The following ALK variants were observed in gnomAD, a reference collection of about 807,000 sequenced individuals.
ALK encodes the protein ALK receptor tyrosine kinase.
In ALK, 74 loss-of-function variants were observed where a neutral mutation model predicts 163.1. The observed-to-expected ratio is 0.45, with a 90% CI of 0.38 to 0.55. The LOEUF (loss-of-function observed/expected upper bound fraction) is 0.55. Ranked by LOEUF, ALK falls within the 20% of genes least tolerant of loss-of-function variation. The probability of loss-of-function intolerance (pLI) is 0.00; values close to 1 mark genes in which losing one functional copy is unlikely to be tolerated. For missense variants in ALK, 2,063 were observed against 2,105.3 expected (o/e 0.98, Z 0.39); for synonymous variants, 960 against 843.2 (o/e 1.14, Z -2.40).
chr2:29,851,164 T>A (rs879564349), intron 1 of ALK, among the ~76,000 whole-genome samples: 82 of 152,366 alleles, frequency 5.4e-4, no homozygotes, highest in Non-Finnish European at 1.0e-3. Context: ...CTGCCCTTAT[T>A]GGATTGTAAG....
chr2:29,266,934 C>T (rs1386546979), intron 11 of ALK, among the ~76,000 whole-genome samples: 16 of 152,212 alleles, frequency 1.1e-4, no homozygotes, highest in Admixed American at 1.0e-3. Context: ...CAGTGGTCTC[C>T]AGCTTCTGAT....
chr2:29,207,024 T>C, intron 26 of ALK, 147 bp downstream of exon 26: 2 of 709,638 alleles, frequency 2.8e-6, no homozygotes, highest in Non-Finnish European at 5.2e-6. Flanking sequence ...ATGCTCACGT[T>C]TGAGAACCAC....
intron 5 of ALK, among the ~76,000 whole-genome samples, chr2:29,357,004 G>T (rs1668265665): frequency 6.6e-6 from 1 of 152,108 alleles, no homozygotes; most frequent in Non-Finnish European, 1.5e-5. Flanking sequence ...CTACTCACAG[G>T]TAGTTTGTGA....
chr2:29,382,600 G>A (rs1204201012), intron 5 of ALK, among the ~76,000 whole-genome samples: 1 of 152,080 alleles, frequency 6.6e-6, no homozygotes, highest in Non-Finnish European at 1.5e-5. Context: ...TCAACAGATG[G>A]CCTCTTTTGT....
chr2:29,445,666 C>A (rs1226403618), intron 4 of ALK, among the ~76,000 whole-genome samples: 3 of 152,032 alleles, frequency 2.0e-5, no homozygotes, highest in African/African-American at 7.2e-5. Context: ...ACTAAAAATA[C>A]AAAAAATTAG....
chr2:29,845,295 G>A (rs1346041961), intron 1 of ALK, among the ~76,000 whole-genome samples: 2 of 152,210 alleles, frequency 1.3e-5, no homozygotes, highest in African/African-American at 2.4e-5. Context: ...CCCAAAGGGT[G>A]TTCCCTGGCA....
chr2:29,853,606 C>T (rs1164641957), intron 1 of ALK, among the ~76,000 whole-genome samples: 1 of 152,218 alleles, frequency 6.6e-6, no homozygotes, highest in Admixed American at 6.5e-5. Context: ...CTACCTACCA[C>T]TCTCCATGCA....
chr2:29,642,643 T>A (rs561496019), intron 3 of ALK, among the ~76,000 whole-genome samples: 3 of 152,164 alleles, frequency 2.0e-5, no homozygotes, highest in Non-Finnish European at 4.4e-5. Flanking sequence ...GTCCTTCTCA[T>A]CCTGAGCTGT....
At chr2:29,420,504 C>T (rs375835417) in intron 4 of ALK, among the ~76,000 whole-genome samples, 2 of 151,454 alleles carry the variant, frequency 1.3e-5, no homozygotes, top group Non-Finnish European at 2.9e-5. Context: ...ATTTTTCCTT[C>T]CAGCCTCCCC....
At chr2:29,455,730 GGA>G (rs931009087) in intron 4 of ALK, among the ~76,000 whole-genome samples, 3 of 152,210 alleles carry the variant, frequency 2.0e-5, no homozygotes, top group African/African-American at 7.2e-5. Context: ...AAGAGAAATG[GGA>G]ATTCAAAAGC....
intron 5 of ALK, among the ~76,000 whole-genome samples, chr2:29,381,331 A>G (rs888579700): frequency 5.3e-5 from 8 of 152,262 alleles, no homozygotes; most frequent in African/African-American, 1.9e-4. Context: ...CTATTAGTCC[A>G]TATCAACTGA....
At chr2:29,904,398 T>C (rs1667486664) in intron 1 of ALK, among the ~76,000 whole-genome samples, 1 of 152,150 alleles carries the variant, frequency 6.6e-6, no homozygotes, top group Non-Finnish European at 1.5e-5. Flanking sequence ...CTCATTTATT[T>C]AGTTATATTT....
chr2:29,717,744 G>A, intron 1 of ALK, 47 bp from the exon 2 acceptor site: 1 of 1,613,288 alleles, frequency 6.2e-7, no homozygotes, highest in Middle Eastern at 1.7e-4. Context: ...CTTGGGGTGT[G>A]TCTTTTAGCT....
At chr2:29,341,330 C>G (rs1197095867) in intron 5 of ALK, among the ~76,000 whole-genome samples, 1 of 152,192 alleles carries the variant, frequency 6.6e-6, no homozygotes, top group Non-Finnish European at 1.5e-5. Context: ...CCACTCATAC[C>G]TGCAATGGGT....
At chr2:29,217,860 C>T (rs573492871) in intron 23 of ALK, among the ~76,000 whole-genome samples, 7 of 137,330 alleles carry the variant, frequency 5.1e-5, no homozygotes, top group East Asian at 5.2e-4. Flanking sequence ...GGCACACCTC[C>T]GCCTACTTTC....
intron 5 of ALK, among the ~76,000 whole-genome samples, chr2:29,380,251 G>A (rs1383674054): frequency 2.0e-5 from 3 of 150,802 alleles, no homozygotes; most frequent in African/African-American, 4.9e-5. Flanking sequence ...GACTACAGCC[G>A]CCCACAACCA....
intron 1 of ALK, among the ~76,000 whole-genome samples, chr2:29,853,077 C>T (rs772902288): frequency 2.0e-5 from 3 of 152,076 alleles, no homozygotes; most frequent in Non-Finnish European, 4.4e-5. Flanking sequence ...ACAGCTATAA[C>T]CAAAGAATAA....
At chr2:29,585,544 T>A (rs188442227) in intron 3 of ALK, among the ~76,000 whole-genome samples, 70 of 152,266 alleles carry the variant, frequency 4.6e-4, no homozygotes, top group Admixed American at 2.4e-3. Context: ...GTCAGACTGG[T>A]CTTGAACTCC....
intron 1 of ALK, among the ~76,000 whole-genome samples, chr2:29,850,513 A>G (rs765787245): frequency 2.6e-5 from 4 of 152,240 alleles, no homozygotes; most frequent in Non-Finnish European, 2.9e-5. Flanking sequence ...GGGATGCCCC[A>G]GAGCCTGATA....
Sources: allele counts gnomAD v4.1 joint callset (sites outside exome capture counted in the v4.1 genomes callset), GRCh38; gene constraint gnomAD v4.1.1; transcripts MANE v1.5; gene names NCBI Gene and HGNC (gene_info 2026-07-23, HGNC 2026-07-21).